The following PPP1R12A variants were observed in gnomAD, a reference collection of about 807,000 sequenced individuals.
The protein encoded by PPP1R12A is myosin binding subunit.
Under a neutral mutation model 139.6 loss-of-function variants are expected in PPP1R12A, and 19 were observed. The ratio of observed to expected loss-of-function variants is 0.14; its 90% CI spans 0.09 to 0.20. The LOEUF is 0.20. PPP1R12A is among the 10% of genes least tolerant of loss of function. PPP1R12A has a pLI of 1.00. For synonymous variants in PPP1R12A, 427 were observed against 420.6 expected (o/e 1.02, Z -0.19); for missense variants, 925 against 1,211.5 (o/e 0.76, Z 3.51).
chr12:79,925,295 A>G (rs1218524415), intron 1 of PPP1R12A, among the ~76,000 whole-genome samples: 1 of 152,036 alleles, frequency 6.6e-6, no homozygotes, highest in Non-Finnish European at 1.5e-5. Context: ...AGTCCATGAA[A>G]ATATACTTTC....
chr12:79,838,735 G>T (rs887433062), intron 3 of PPP1R12A, among the ~76,000 whole-genome samples: 4 of 152,226 alleles, frequency 2.6e-5, no homozygotes, highest in Non-Finnish European at 5.9e-5. Flanking sequence ...CAGAAGTCAA[G>T]AACTGAGGTT....
rs562476441 is a variant in PPP1R12A, at chr12:79,814,642, C to T, written c.1239+2752G>A. On this transcript the variant is annotated intron_variant, in intron 9 of 24. Coordinates refer to ENST00000450142, the MANE Select transcript of PPP1R12A (RefSeq NM_002480.3). The stretch of plus-strand genomic sequence containing the variant: ...ACCAACCCAGCCAACATGATGAAAC[C>T]CCGTCTCTACTAAAAATACAAAAAT... Among the ~76,000 whole-genome samples, 2 of 150,220 alleles carry T rather than the reference C, an allele frequency of 1.3e-5. 1 individual carries two copies. The highest frequency in any genetic ancestry group is 4.9e-5 in the African/African-American group (2 of 40,982).
intron 2 of PPP1R12A, among the ~76,000 whole-genome samples, chr12:79,869,338 T>A (rs1882315378): frequency 6.6e-6 from 1 of 152,254 alleles, no homozygotes; most frequent in Non-Finnish European, 1.5e-5. Context: ...TAGAACTCAA[T>A]GTATCCTAAT....
chr12:79,819,205 A>G (rs1265779659), intron 8 of PPP1R12A: 1 of 152,214 alleles, frequency 6.6e-6, no homozygotes. Flanking sequence ...ATTTGATGGT[A>G]ATTAGTTATA....
At position 79,934,847 on chromosome 12, in the gene PPP1R12A, C is replaced by A. The variant is rs762718548; in HGVS notation, c.85G>T (p.Val29Leu). The stretch of plus-strand genomic sequence containing the variant: ...TTCACCTTGGTCTTCTGGCGCTTCA[C>A]CACCGGAGGCTCGAGGTCCGTCTCG... ...GSETDLEPPVVKRQKTKVKFD... is the reference protein window; with the variant it reads ...GSETDLEPPVLKRQKTKVKFD... The change falls in exon 1 of 25, where the codon GTG (valine) becomes TTG (leucine). Residue 29 changes from valine (V) to leucine (L), a missense_variant. Transcript: ENST00000450142. 3 of 1,611,896 alleles carry A rather than the reference C, an allele frequency of 1.9e-6. No homozygotes were observed. Among genetic ancestry groups the A allele is most frequent in the Non-Finnish European group, 2.5e-6 (3 of 1,179,102 alleles).
chr12:79,903,447 T>A (rs1885820818), intron 1 of PPP1R12A, among the ~76,000 whole-genome samples: 1 of 133,784 alleles, frequency 7.5e-6, no homozygotes, highest in South Asian at 2.6e-4. Context: ...CAGGACTCCA[T>A]CTCAAAAAAA....
At chr12:79,876,693 G>A (rs1328276043) in intron 1 of PPP1R12A, among the ~76,000 whole-genome samples, 1 of 152,146 alleles carries the variant, frequency 6.6e-6, no homozygotes, top group East Asian at 1.9e-4. Flanking sequence ...GCTTTTAGCA[G>A]CATTTCCCTA....
At chr12:79,818,860 C>T (rs1283940775) in intron 8 of PPP1R12A, 1 of 152,094 alleles carries the variant, frequency 6.6e-6, no homozygotes, top group East Asian at 1.9e-4. Context: ...AAGGAAATAA[C>T]CTTACAAAAA....
intron 1 of PPP1R12A, among the ~76,000 whole-genome samples, chr12:79,873,974 A>C (rs1394347606): frequency 2.6e-5 from 4 of 152,204 alleles, no homozygotes; most frequent in African/African-American, 9.7e-5. Context: ...TGAGTCTGTC[A>C]CTTCAAGAAA....
intron 1 of PPP1R12A, among the ~76,000 whole-genome samples, chr12:79,894,473 G>T (rs1197699888): frequency 6.6e-6 from 1 of 152,084 alleles, no homozygotes; most frequent in Admixed American, 6.6e-5. Context: ...CAAGGAAAAA[G>T]TCACATCTAA....
intron 8 of PPP1R12A, 45 bp from the exon 9 acceptor site, chr12:79,817,563 G>T: frequency 2.0e-6 from 3 of 1,504,280 alleles, no homozygotes; most frequent in South Asian, 1.3e-5. Context: ...ATATATATTT[G>T]GTCTCAATGG....
intron 3 of PPP1R12A, among the ~76,000 whole-genome samples, chr12:79,837,793 A>T (rs1878261182): frequency 6.6e-6 from 1 of 151,834 alleles, no homozygotes; most frequent in Admixed American, 6.6e-5. Context: ...TTCCACTATG[A>T]TTGTGCTTCC....
intron 1 of PPP1R12A, among the ~76,000 whole-genome samples, chr12:79,931,591 C>T (rs546974267): frequency 6.6e-6 from 1 of 152,272 alleles, no homozygotes; most frequent in South Asian, 2.1e-4. Context: ...TTATTAATCT[C>T]CTTAAATCTT....
intron 14 of PPP1R12A, among the ~76,000 whole-genome samples, chr12:79,802,711 G>T (rs1205580627): frequency 1.3e-5 from 2 of 152,062 alleles, no homozygotes; most frequent in Non-Finnish European, 2.9e-5. Flanking sequence ...AGCCCAGGAG[G>T]TCATGGCTGC....
chr12:79,780,847 A>G (rs115089317), intron 23 of PPP1R12A: 141 of 152,330 alleles, frequency 9.3e-4, no homozygotes, highest in African/African-American at 3.2e-3. Context: ...GCATAATAAA[A>G]TGGTAGCTAT....
At chr12:79,827,100 A>C (rs1268010651) in intron 5 of PPP1R12A, among the ~76,000 whole-genome samples, 1 of 152,220 alleles carries the variant, frequency 6.6e-6, no homozygotes, top group Non-Finnish European at 1.5e-5. Context: ...AATAGTATCA[A>C]TATTTATTTG....
At chr12:79,797,853 T>C (rs919042799) in intron 15 of PPP1R12A, among the ~76,000 whole-genome samples, 1 of 152,114 alleles carries the variant, frequency 6.6e-6, no homozygotes, top group Non-Finnish European at 1.5e-5. Context: ...AAAAGTATAT[T>C]AAGGCCCTAG....
intron 5 of PPP1R12A, among the ~76,000 whole-genome samples, chr12:79,823,625 G>C (rs1334484388): frequency 1.4e-5 from 2 of 145,568 alleles, no homozygotes; most frequent in African/African-American, 2.6e-5. Flanking sequence ...ATAGGATCTT[G>C]CTCTGTTACC....
chr12:79,802,050 A>C (rs1041592343), intron 14 of PPP1R12A, among the ~76,000 whole-genome samples: 3 of 152,192 alleles, frequency 2.0e-5, no homozygotes, highest in Non-Finnish European at 4.4e-5. Flanking sequence ...AGAATAACTA[A>C]TAATCTTGTT....
Sources: allele counts gnomAD v4.1 joint callset (sites outside exome capture counted in the v4.1 genomes callset), GRCh38; gene constraint gnomAD v4.1.1; transcripts MANE v1.5; gene names NCBI Gene and HGNC (gene_info 2026-07-23, HGNC 2026-07-21).